Variants in PRPF3 observed in about 807,000 individuals in gnomAD.
PRPF3 encodes pre-mRNA processing factor 3.
PRPF3 carries 3 observed loss-of-function variants against 89.2 expected under a neutral mutation model. The observed-to-expected ratio is 0.03, with a 90% CI of 0.02 to 0.09. PRPF3 has a LOEUF of 0.09. Among genes scored for constraint, PRPF3 ranks in the 10% least tolerant of loss-of-function variants. The pLI, the probability that PRPF3 is intolerant of heterozygous loss-of-function variation, is 1.00. For synonymous variants in PRPF3, 270 were observed against 289.1 expected (o/e 0.93, Z 0.67); for missense variants, 463 against 828.8 (o/e 0.56, Z 5.42).
chr1:150,338,424 G>A (rs1553868876), intron 8 of PRPF3, 98 bp downstream of exon 8: 1 of 1,208,702 alleles, frequency 8.3e-7, no homozygotes, highest in African/African-American at 1.5e-5. Context: ...GTTTTAGTGG[G>A]AAGGATGGTA....
At chr1:150,337,001 G>A (rs587758882) in intron 7 of PRPF3, among the ~76,000 whole-genome samples, 26 of 147,306 alleles carry the variant, frequency 1.8e-4, no homozygotes, top group Admixed American at 8.8e-4. Flanking sequence ...GACCTTTGCC[G>A]CCTTTTTATC....
chr1:150,340,311 T>G (rs963062459), intron 8 of PRPF3, 87 bp from the exon 9 acceptor site: 13 of 941,900 alleles, frequency 1.4e-5, no homozygotes, highest in Admixed American at 3.7e-5. Flanking sequence ...TTATAGAGAG[T>G]GGGTTTTTTC....
intron 4 of PRPF3, among the ~76,000 whole-genome samples, chr1:150,332,037 A>C (rs1298556920): frequency 6.6e-6 from 1 of 152,042 alleles, no homozygotes; most frequent in Non-Finnish European, 1.5e-5. Context: ...ATCCTGGCTA[A>C]CAGGGTGAAA....
intron 6 of PRPF3, 97 bp downstream of exon 6, chr1:150,333,296 A>T: frequency 7.4e-7 from 1 of 1,357,020 alleles, no homozygotes; most frequent in South Asian, 1.2e-5. Context: ...GCAGTGCCTC[A>T]GGCCTGTAAT....
At chr1:150,352,742 T>C in intron 15 of PRPF3, 91 bp from the exon 16 acceptor site, 1 of 1,385,670 alleles carries the variant, frequency 7.2e-7, no homozygotes, top group Non-Finnish European at 1.0e-6. Context: ...TGGGCACATG[T>C]CTCACAAATG....
intron 15 of PRPF3, among the ~76,000 whole-genome samples, chr1:150,350,490 G>A (rs182635912): frequency 4.6e-5 from 7 of 152,216 alleles, no homozygotes; most frequent in East Asian, 1.9e-4. Flanking sequence ...GAGTCACTGC[G>A]CCCGGCCATA....
chr1:150,337,825 A>C (rs1232194572), intron 7 of PRPF3, among the ~76,000 whole-genome samples: 2 of 151,622 alleles, frequency 1.3e-5, no homozygotes, highest in Non-Finnish European at 1.5e-5. Context: ...CTGTAATCCC[A>C]TCACTTTGGG....
At chr1:150,344,655 A>T (rs1429188707) in intron 12 of PRPF3, 108 bp downstream of exon 12, 11 of 1,193,490 alleles carry the variant, frequency 9.2e-6, no homozygotes, top group Non-Finnish European at 1.3e-5. Flanking sequence ...ACCAGTTCCT[A>T]CTCTCTTTTA....
chr1:150,325,065 C>T lies in PRPF3; in HGVS notation c.123C>T (p.Gly41=), dbSNP rs1156380082. 2 of 1,613,508 alleles carry T rather than the reference C, an allele frequency of 1.2e-6. No individual in the cohort carries two copies. The highest frequency in any genetic ancestry group is 1.3e-5 in the African/African-American group (1 of 74,854). The change falls in exon 2 of 16, where the codon GGC becomes GGT. Residue 41 remains glycine (G), a synonymous_variant. Transcript: ENST00000324862. The part of the protein sequence containing the change: ...VTAALNCVGK[G]MDKKKAADHL... ...CAGCATTGAACTGTGTGGGGAAGGG[C>T]ATGGACAAGAAGAAGGCAGCCGGTA...
At chr1:150,327,490 T>C (rs782081370) in intron 3 of PRPF3, 19 of 795,088 alleles carry the variant, frequency 2.4e-5, no homozygotes, top group Non-Finnish European at 2.9e-5. Flanking sequence ...CGGGTCCCAT[T>C]TTTGGTCCAT....
chr1:150,331,055 G>A (rs981797302), intron 4 of PRPF3, among the ~76,000 whole-genome samples: 2 of 150,650 alleles, frequency 1.3e-5, no homozygotes, highest in African/African-American at 4.9e-5. Flanking sequence ...TTTTTGAGAC[G>A]GAGTCTCGCT....
intron 3 of PRPF3, chr1:150,327,722 C>T: frequency 5.9e-6 from 4 of 678,412 alleles, no homozygotes; most frequent in Non-Finnish European, 7.3e-6. Flanking sequence ...ATTCACCTTG[C>T]AAATTAGTCA....
intron 15 of PRPF3, among the ~76,000 whole-genome samples, chr1:150,350,318 C>T (rs1372080459): frequency 1.3e-5 from 2 of 151,946 alleles, no homozygotes; most frequent in African/African-American, 2.4e-5. Flanking sequence ...TCTCCTGCCT[C>T]GGCCTCCCGA....
intron 12 of PRPF3, among the ~76,000 whole-genome samples, chr1:150,345,222 A>G (rs1658154239): frequency 6.6e-6 from 1 of 152,210 alleles, no homozygotes; most frequent in South Asian, 2.1e-4. Context: ...TACTTACTCA[A>G]AATGTCTCCT....
At chr1:150,351,296 C>G (rs1658900811) in intron 15 of PRPF3, among the ~76,000 whole-genome samples, 1 of 152,000 alleles carries the variant, frequency 6.6e-6, no homozygotes, top group Admixed American at 6.6e-5. Context: ...TCGCTGATCT[C>G]TTCAGACCAG....
intron 15 of PRPF3, among the ~76,000 whole-genome samples, chr1:150,351,807 G>A (rs933951670): frequency 1.3e-5 from 2 of 150,592 alleles, no homozygotes; most frequent in Non-Finnish European, 2.9e-5. Context: ...ACTGTGCCCA[G>A]CCCTACCTTC....
chr1:150,348,490 CTT>C (rs1261130146), intron 14 of PRPF3, among the ~76,000 whole-genome samples: 3 of 19,360 alleles, frequency 1.5e-4, no homozygotes, highest in African/African-American at 6.3e-4. Flanking sequence ...GAGATGGAGT[CTT>C]TGCTCTTTTG....
chr1:150,328,214 A>G (rs1034408472), intron 3 of PRPF3, 106 bp from the exon 4 acceptor site: 5 of 1,389,846 alleles, frequency 3.6e-6, no homozygotes, highest in African/African-American at 2.8e-5. Flanking sequence ...AGGTTGTGTC[A>G]TATTCCCCTG....
At chr1:150,343,565 CT>C in intron 10 of PRPF3, 113 bp downstream of exon 10, 1 of 1,400,400 alleles carries the variant, frequency 7.1e-7, no homozygotes, top group Non-Finnish European at 9.9e-7. Context: ...AAGAATTATT[CT>C]TGGGGTCCTT....
Sources: gnomAD v4.1 joint callset for allele counts (sites outside exome capture counted in the v4.1 genomes callset) on GRCh38, gnomAD v4.1.1 for gene constraint, MANE v1.5 for transcripts, NCBI Gene and HGNC (gene_info 2026-07-23, HGNC 2026-07-21) for gene names.